The following PCDHA9 variants were observed in gnomAD, a reference collection of about 807,000 sequenced individuals.
The protein encoded by PCDHA9 is protocadherin alpha-9.
In PCDHA9, 62 loss-of-function variants were observed where a neutral mutation model predicts 62.0. That is an observed-to-expected ratio of 1.00 (90% CI 0.81 to 1.23). PCDHA9 has a LOEUF of 1.23. Among genes scored for constraint, PCDHA9 ranks in the 50% most tolerant of loss-of-function variants. The pLI is 0.00. For synonymous variants in PCDHA9, 557 were observed against 567.6 expected (o/e 0.98, Z 0.27); for missense variants, 1,205 against 1,249.8 (o/e 0.96, Z 0.54).
chr5:140,904,773 CATT>C (rs2071382352), intron 1 of PCDHA9, among the ~76,000 whole-genome samples: 1 of 152,076 alleles, frequency 6.6e-6, no homozygotes, highest in Non-Finnish European at 1.5e-5. Flanking sequence ...GATGGTATCA[CATT>C]ATTGTTTTAA....
chr5:140,917,327 GGGA>G (rs1563018681), intron 1 of PCDHA9, among the ~76,000 whole-genome samples: 5 of 149,526 alleles, frequency 3.3e-5, no homozygotes, highest in Admixed American at 6.6e-5. Context: ...CATGTGGCGG[GGGA>G]GGGGGGGGAT....
In PCDHA9 at chr5:140,876,882, G is replaced by A. The variant is rs377092859; in HGVS notation, c.2394+25993G>A. The A allele has an allele frequency of 3.2e-5, 52 of 1,614,140 alleles. 1 individual carries two copies. The African/African-American group carries it at 4.3e-4, about 13-fold the overall frequency. On this transcript the variant is annotated intron_variant, in intron 1 of 3. Transcript: ENST00000532602. ...TGTTCGTGAAGGAGAACAACCCGCC[G>A]GGCTGCCACATCTTCACGGTGTCGG...
chr5:140,969,557 A>G, intron 1 of PCDHA9: 2 of 1,212,410 alleles, frequency 1.6e-6, no homozygotes, highest in South Asian at 3.3e-5. Context: ...AGCCTTGTCC[A>G]TAAAATTGTT....
At chr5:140,883,957 G>T (rs879988838) in intron 1 of PCDHA9, 1 of 1,613,246 alleles carries the variant, frequency 6.2e-7, no homozygotes, top group Non-Finnish European at 8.5e-7. Context: ...ACAACGCTCC[G>T]GCGCTGCTGA....
intron 1 of PCDHA9, among the ~76,000 whole-genome samples, chr5:140,937,894 A>G (rs1554211868): frequency 6.6e-6 from 1 of 150,462 alleles, no homozygotes; most frequent in Non-Finnish European, 1.5e-5. Context: ...CCTGGGCGAC[A>G]GAGTGAGACT....
intron 1 of PCDHA9, among the ~76,000 whole-genome samples, chr5:140,942,781 A>G (rs1554215214): frequency 6.6e-6 from 1 of 152,214 alleles, no homozygotes; most frequent in Admixed American, 6.5e-5. Context: ...TTTAGGCAGA[A>G]TATTACAAAG....
chr5:140,891,009 A>AT (rs35053611), intron 1 of PCDHA9, among the ~76,000 whole-genome samples: 3 of 152,052 alleles, frequency 2.0e-5, no homozygotes, highest in East Asian at 3.9e-4. Context: ...ATTGAAAAGC[A>AT]TTTTTTCTGA....
rs2150500244 is a variant in PCDHA9 at position 140,850,847 on chromosome 5, G to C, written c.2352G>C (p.Glu784Asp). 5 of 1,596,668 alleles carry C rather than the reference G, an allele frequency of 3.1e-6. No individual in the cohort carries two copies. Among genetic ancestry groups the C allele is most frequent in the Non-Finnish European group, 4.3e-6 (5 of 1,166,432 alleles). The part of the protein sequence containing the change: ...PGLSPCAGST[E>D]RTGEPSASSD... ...TTTCTCCTTGTGCTGGATCTACAGA[G>C]CGAACGGGAGAACCCTCTGCTTCCT... The change falls in exon 1 of 4, where the codon GAG (glutamate) becomes GAC (aspartate). Residue 784 changes from glutamate (E) to aspartate (D), a missense_variant. Physicochemically the swap from Glu to Asp is conservative, Grantham distance 45. This residue lies in a region of PCDHA9 where 887 missense variants were observed against 809.5 expected (regional missense o/e 1.10). Transcript: ENST00000532602.
chr5:140,968,107 G>A (rs200195064), intron 1 of PCDHA9: 58 of 1,613,992 alleles, frequency 3.6e-5, no homozygotes, highest in African/African-American at 5.3e-5. Context: ...GGGGAATACC[G>A]CAGCTCACAT....
chr5:140,928,105 C>T, intron 1 of PCDHA9: 6 of 1,614,150 alleles, frequency 3.7e-6, no homozygotes, highest in Middle Eastern at 1.6e-4. Flanking sequence ...GCCCCTGGAC[C>T]GGGAGCAGAT....
Position 140,849,622 on chromosome 5 carries a change from A to G in PCDHA9, c.1127A>G (p.Asp376Gly). The G allele has an allele frequency of 1.9e-6, 3 of 1,598,702 alleles. 1 individual carries two copies. The highest frequency in any genetic ancestry group is 2.6e-6 in the Non-Finnish European group (3 of 1,167,960). The change falls in exon 1 of 4, where the codon GAC becomes GGC. Residue 376 changes from aspartate to glycine, a missense_variant. Around this residue, in one of 3 missense-constraint regions of PCDHA9, gnomAD observed 887 missense variants for 809.5 expected, o/e 1.10. Coordinates refer to ENST00000532602, the MANE Select transcript of PCDHA9 (RefSeq NM_031857.2). Reference sequence around the variant, plus strand: ...GTTATTGCCCTGATTAGTGTGATCGACCTAGACGCAGATGCCAACGGGCAG... The same window carrying G: ...GTTATTGCCCTGATTAGTGTGATCGGCCTAGACGCAGATGCCAACGGGCAG... ...GTVIALISVI[D>G]LDADANGQVT...
chr5:140,872,209 T>C (rs900203010), intron 1 of PCDHA9, among the ~76,000 whole-genome samples: 4 of 152,214 alleles, frequency 2.6e-5, no homozygotes, highest in South Asian at 2.1e-4. Context: ...AAATTCATTA[T>C]ATATGAAACA....
chr5:140,930,037 GC>G (rs2086548182), intron 1 of PCDHA9: 6 of 152,140 alleles, frequency 3.9e-5, no homozygotes, highest in African/African-American at 1.4e-4. Flanking sequence ...TTTTGTAACT[GC>G]TTTGGAGTTT....
intron 1 of PCDHA9, chr5:140,853,738 T>A: frequency 2.0e-6 from 2 of 988,624 alleles, no homozygotes. Context: ...CATTGAATGT[T>A]CTGGTTCAAG....
At chr5:140,876,754 C>A in intron 1 of PCDHA9, 1 of 1,614,212 alleles carries the variant, frequency 6.2e-7, no homozygotes, top group Non-Finnish European at 8.5e-7. Context: ...GGTGACTGCG[C>A]GGGATGGGGG....
intron 1 of PCDHA9, among the ~76,000 whole-genome samples, chr5:140,933,677 T>G (rs1024721491): frequency 6.6e-6 from 1 of 151,826 alleles, no homozygotes; most frequent in African/African-American, 2.4e-5. Flanking sequence ...CTCTCTCACA[T>G]TTTTTTTCCT....
rs143144725 is a variant in PCDHA9 at position 140,850,029 on chromosome 5, G to A, written c.1534G>A (p.Ala512Thr). ...RSLSSYVSVH[A>T]ESGKVYALQP... Reference sequence around the variant, plus strand: ...GCTGTCGAGCTACGTGTCAGTGCACGCGGAGAGCGGCAAGGTGTACGCGCT... The same window carrying A: ...GCTGTCGAGCTACGTGTCAGTGCACACGGAGAGCGGCAAGGTGTACGCGCT... The change falls in exon 1 of 4, where the codon GCG (alanine) becomes ACG (threonine). Residue 512 changes from alanine (A) to threonine (T), a missense_variant. Ala to Thr is a moderately conservative substitution (Grantham distance 58). Coordinates refer to ENST00000532602, the MANE Select transcript of PCDHA9 (RefSeq NM_031857.2). 1.3e-4 allele frequency: 205 copies of A among 1,596,756 alleles called. 11 individuals carry two copies. In the African/African-American group the frequency reaches 2.2e-3, roughly 17 times the overall value.
intron 1 of PCDHA9, chr5:140,864,380 A>C (rs1581715525): frequency 6.6e-6 from 1 of 152,354 alleles, no homozygotes; most frequent in East Asian, 1.9e-4. Flanking sequence ...CGATAAGTTT[A>C]TCTCTCACAA....
chr5:140,926,065 G>A (rs1302106382), intron 1 of PCDHA9, among the ~76,000 whole-genome samples: 3 of 152,176 alleles, frequency 2.0e-5, no homozygotes, highest in Non-Finnish European at 2.9e-5. Context: ...TCCCCTCCTT[G>A]TCGTCTCTAT....
Sources: allele counts gnomAD v4.1 joint callset (sites outside exome capture counted in the v4.1 genomes callset), GRCh38; gene constraint gnomAD v4.1.1; regional missense constraint gnomAD v4.1.1; transcripts MANE v1.5; gene names NCBI Gene and HGNC (gene_info 2026-07-23, HGNC 2026-07-21).